Variants in WASHC4 observed in about 807,000 individuals in gnomAD.
The protein encoded by WASHC4 is WASH complex subunit 4, also known as WASH complex subunit 7.
Under a neutral mutation model 166.6 loss-of-function variants are expected in WASHC4, and 86 were observed. The ratio of observed to expected loss-of-function variants is 0.52; its 90% CI spans 0.43 to 0.62. The LOEUF is 0.62. Among genes scored for constraint, WASHC4 ranks in the 20% least tolerant of loss-of-function variants. WASHC4 has a pLI of 0.00. For missense variants in WASHC4, 1,262 were observed against 1,382.4 expected, an observed-to-expected ratio of 0.91 and a Z score of 1.38; for synonymous variants, 446 against 451.6, an observed-to-expected ratio of 0.99 and a Z score of 0.16.
At chr12:105,139,681 A>AT (rs1261703834) in intron 15 of WASHC4, among the ~76,000 whole-genome samples, 5 of 150,752 alleles carry the variant, frequency 3.3e-5, no homozygotes, top group Admixed American at 1.3e-4. Context: ...TGTCTTTTCC[A>AT]TTTTTTTTAT....
intron 14 of WASHC4, among the ~76,000 whole-genome samples, chr12:105,136,282 A>G (rs959934054): frequency 3.3e-5 from 5 of 152,164 alleles, no homozygotes; most frequent in African/African-American, 1.2e-4. Flanking sequence ...TTTGTCTTTA[A>G]GGCAGATGAT....
chr12:105,108,153 C>A (rs980926752), intron 1 of WASHC4, among the ~76,000 whole-genome samples: 1 of 152,180 alleles, frequency 6.6e-6, no homozygotes, highest in East Asian at 1.9e-4. Flanking sequence ...TGCCCCGGGG[C>A]TTGGGCGGGG....
chr12:105,161,253 T>TA (rs1312057179), intron 29 of WASHC4, among the ~76,000 whole-genome samples: 1 of 152,226 alleles, frequency 6.6e-6, no homozygotes, highest in Non-Finnish European at 1.5e-5. Flanking sequence ...TAATAGCCTA[T>TA]AAACAGCTTT....
At chr12:105,161,809 A>G (rs185434230) in intron 29 of WASHC4, among the ~76,000 whole-genome samples, 18 of 152,372 alleles carry the variant, frequency 1.2e-4, no homozygotes, top group African/African-American at 3.4e-4. Context: ...AGCACACTGT[A>G]TATCATAATT....
chr12:105,128,052 G>C (rs1398916900), intron 13 of WASHC4, among the ~76,000 whole-genome samples: 3 of 152,176 alleles, frequency 2.0e-5, no homozygotes, highest in African/African-American at 7.2e-5. Flanking sequence ...TCTGCCACTA[G>C]CCCCATGCTG....
chr12:105,148,238 A>G (rs139950121), intron 24 of WASHC4: 8 of 985,152 alleles, frequency 8.1e-6, no homozygotes, highest in Non-Finnish European at 9.6e-6. Flanking sequence ...GAAACATACA[A>G]TTTTAAATTC....
chr12:105,127,138 A>G lies in WASHC4; in HGVS notation c.1048A>G (p.Ile350Val). The part of the protein sequence containing the change: ...LLDICKKVPA[I>V]TLTANIIWFP... ...CCCTTTTCTGTTTCAGGTACCAGCCATCACTCTAACTGCTAATATTATTTG... is the reference window on the plus strand; with the variant it reads ...CCCTTTTCTGTTTCAGGTACCAGCCGTCACTCTAACTGCTAATATTATTTG... The change falls in exon 13 of 33, where the codon ATC (isoleucine) becomes GTC (valine). Residue 350 changes from isoleucine to valine, a missense_variant. Coordinates refer to ENST00000332180, the MANE Select transcript of WASHC4 (RefSeq NM_015275.3). 1 of 1,612,942 alleles carries G rather than the reference A, an allele frequency of 6.2e-7. No homozygotes were observed. Among genetic ancestry groups the G allele is most frequent in the South Asian group, 1.1e-5 (1 of 91,054 alleles).
rs112123283 is a variant in WASHC4, at chr12:105,162,053, A to G, written c.3061-696A>G. Among the ~76,000 whole-genome samples, 585 of 152,358 alleles carry G rather than the reference A, an allele frequency of 3.8e-3. 4 individuals are homozygous for G. The highest frequency in any genetic ancestry group is 0.013 in the African/African-American group (560 of 41,576). On this transcript the variant is annotated intron_variant, in intron 29 of 32. Coordinates refer to ENST00000332180, the MANE Select transcript of WASHC4 (RefSeq NM_015275.3). The stretch of plus-strand genomic sequence containing the variant: ...GCTTACTGTATGTACTGGATGGTGC[A>G]GATACACATTTCTGTCCCTGCCAAC...
chr12:105,135,527 T>TA, intron 14 of WASHC4, among the ~76,000 whole-genome samples: 1 of 152,152 alleles, frequency 6.6e-6, no homozygotes, highest in South Asian at 2.1e-4. Context: ...TTTTGGCTTT[T>TA]AGCAGTGTTC....
intron 4 of WASHC4, 149 bp from the exon 5 acceptor site, chr12:105,115,035 T>A (rs1880050375): frequency 1.8e-6 from 1 of 562,178 alleles, no homozygotes; most frequent in Non-Finnish European, 3.2e-6. Flanking sequence ...AAAGATGAAT[T>A]GCTTTATAAA....
At chr12:105,133,993 G>A in intron 14 of WASHC4, 97 bp downstream of exon 14, 1 of 1,154,634 alleles carries the variant, frequency 8.7e-7, no homozygotes. Context: ...GTATGTTTTT[G>A]TTTATTAAAG....
In WASHC4 at chr12:105,114,366, T is replaced by C. The variant is rs1879972648; in HGVS notation, c.260T>C (p.Leu87Ser). The change falls in exon 4 of 33, where the codon TTA (leucine) becomes TCA (serine). Residue 87 changes from leucine to serine, a missense_variant. Coordinates refer to ENST00000332180, the MANE Select transcript of WASHC4 (RefSeq NM_015275.3). ...LELIKTENKV[L>S]NKVITVYAAL... is the part of the protein sequence containing the mutation. ...TGTTTTTACTCATGAAACTAGGTCT[T>C]AAACAAAGTCATCACTGTTTATGCT... 6.2e-7 allele frequency: 1 copy of C among 1,600,288 alleles called. No homozygotes were observed. The highest frequency in any genetic ancestry group is 1.1e-5 in the South Asian group (1 of 89,952).
intron 14 of WASHC4, among the ~76,000 whole-genome samples, chr12:105,136,036 A>G (rs2135779075): frequency 6.6e-6 from 1 of 152,292 alleles, no homozygotes; most frequent in African/African-American, 2.4e-5. Flanking sequence ...GTACACAGCT[A>G]GTCTAGGACG....
chr12:105,151,207 TC>T (rs1883746817), intron 25 of WASHC4, among the ~76,000 whole-genome samples: 1 of 151,004 alleles, frequency 6.6e-6, no homozygotes, highest in African/African-American at 2.4e-5. Flanking sequence ...GGCTGAGTTT[TC>T]CCATAGTGAA....
chr12:105,139,601 T>G (rs1354645000), intron 15 of WASHC4, among the ~76,000 whole-genome samples: 1 of 151,548 alleles, frequency 6.6e-6, no homozygotes, highest in Non-Finnish European at 1.5e-5. Flanking sequence ...AACCCCTGAT[T>G]GTTAGTGATG....
chr12:105,140,796 T>C, intron 16 of WASHC4, 103 bp from the exon 17 acceptor site: 2 of 1,143,136 alleles, frequency 1.7e-6, no homozygotes, highest in Non-Finnish European at 2.6e-6. Flanking sequence ...TATTTGTGTA[T>C]GCTCTCTTAA....
At chr12:105,116,668 A>G (rs1298768828) in intron 6 of WASHC4, among the ~76,000 whole-genome samples, 6 of 152,204 alleles carry the variant, frequency 3.9e-5, no homozygotes, top group African/African-American at 1.2e-4. Flanking sequence ...GCACTTGACT[A>G]TAGTAACCTT....
At chr12:105,140,862 C>T in intron 16 of WASHC4, 37 bp from the exon 17 acceptor site, 1 of 1,593,882 alleles carries the variant, frequency 6.3e-7, no homozygotes, top group Non-Finnish European at 8.6e-7. Context: ...TTTGTTACTG[C>T]CTCAGAAACA....
intron 15 of WASHC4, among the ~76,000 whole-genome samples, chr12:105,139,279 A>G (rs1354897017): frequency 6.6e-6 from 1 of 151,344 alleles, no homozygotes; most frequent in African/African-American, 2.4e-5. Context: ...CCATCCTTGT[A>G]TGTGTTTCTT....
Sources: gnomAD v4.1 joint callset for allele counts (sites outside exome capture counted in the v4.1 genomes callset) on GRCh38, gnomAD v4.1.1 for gene constraint, MANE v1.5 for transcripts, NCBI Gene and HGNC (gene_info 2026-07-23, HGNC 2026-07-21) for gene names.